MCTP2: variants seen among roughly 807,000 people sequenced by gnomAD.
MCTP2 encodes multiple C2 and transmembrane domain-containing protein 2.
Under a neutral mutation model 111.6 loss-of-function variants are expected in MCTP2, and 132 were observed. That is an observed-to-expected ratio of 1.18 (90% CI 1.03 to 1.37). The LOEUF (loss-of-function observed/expected upper bound fraction) is 1.37. Among genes scored for constraint, MCTP2 ranks in the 40% most tolerant of loss-of-function variants. The pLI is 0.00. For missense variants in MCTP2, 1,183 were observed against 1,067.9 expected (o/e 1.11, Z -1.50); for synonymous variants, 395 against 387.7 (o/e 1.02, Z -0.22).
chr15:94,390,131 TACTTAG>T (rs2080867511), intron 14 of MCTP2, among the ~76,000 whole-genome samples: 1 of 69,598 alleles, frequency 1.4e-5, no homozygotes, highest in Admixed American at 1.5e-4. Flanking sequence ...TATATATATA[TACTTAG>T]ATGTTTATCA....
chr15:94,328,191 T>G lies in MCTP2; in HGVS notation c.638-11099T>G, dbSNP rs544432933. Among the ~76,000 whole-genome samples the G allele has an allele frequency of 3.8e-4, 58 of 150,902 alleles. No homozygotes were observed. The South Asian group carries it at 0.01, about 27-fold the overall frequency. On this transcript the variant is annotated intron_variant, in intron 4 of 22. Transcript: ENST00000357742. The stretch of plus-strand genomic sequence containing the variant: ...TCACCCAGGCTGGAGTGCAGTGGCG[T>G]GATCTCGGCTCACTGCAGGCTCTGC...
intron 22 of MCTP2, among the ~76,000 whole-genome samples, chr15:94,478,207 C>T (rs1002830344): frequency 6.6e-6 from 1 of 152,216 alleles, no homozygotes. Flanking sequence ...CCTTGAAGAA[C>T]AGAAATTTCC....
chr15:94,406,691 C>T (rs2081912795), intron 17 of MCTP2, among the ~76,000 whole-genome samples: 1 of 152,106 alleles, frequency 6.6e-6, no homozygotes, highest in Non-Finnish European at 1.5e-5. Flanking sequence ...TTTGAAAAAC[C>T]CTAGAGCCTT....
intron 14 of MCTP2, among the ~76,000 whole-genome samples, chr15:94,394,060 AAAAAAAAAAAAAT>A (rs2081145427): frequency 6.6e-6 from 1 of 151,552 alleles, no homozygotes; most frequent in Admixed American, 6.6e-5. Context: ...AAAAAAAAAA[AAAAAAAAAAAAAT>A]GTAAAAAACG....
At chr15:94,291,499 G>A (rs2075028420) in intron 1 of MCTP2, among the ~76,000 whole-genome samples, 1 of 152,168 alleles carries the variant, frequency 6.6e-6, no homozygotes, top group African/African-American at 2.4e-5. Flanking sequence ...TATCTGGGAG[G>A]CTGTGGCAGG....
intron 2 of MCTP2, among the ~76,000 whole-genome samples, chr15:94,308,539 T>C (rs2075987394): frequency 6.6e-6 from 1 of 152,210 alleles, no homozygotes; most frequent in East Asian, 1.9e-4. Flanking sequence ...TGTGGACTTG[T>C]TTTAAGAAGT....
chr15:94,303,820 A>C (rs995368614), intron 2 of MCTP2, among the ~76,000 whole-genome samples: 1 of 151,882 alleles, frequency 6.6e-6, no homozygotes, highest in African/African-American at 2.4e-5. Flanking sequence ...GCTTTTTCCA[A>C]CTCTGTGGTG....
intron 17 of MCTP2, among the ~76,000 whole-genome samples, chr15:94,404,307 T>G (rs926895529): frequency 3.7e-5 from 5 of 136,312 alleles, no homozygotes; most frequent in Admixed American, 6.9e-5. Context: ...TTTTATTGTT[T>G]TTTTTTTTTT....
At chr15:94,410,283 G>T (rs1023890986) in intron 17 of MCTP2, among the ~76,000 whole-genome samples, 1 of 152,044 alleles carries the variant, frequency 6.6e-6, no homozygotes, top group East Asian at 1.9e-4. Flanking sequence ...TCAATGACAG[G>T]GTGGAAATGC....
At chr15:94,431,327 T>C (rs1022019776) in intron 17 of MCTP2, among the ~76,000 whole-genome samples, 1 of 152,254 alleles carries the variant, frequency 6.6e-6, no homozygotes, top group Non-Finnish European at 1.5e-5. Flanking sequence ...AACATCGTTT[T>C]ATATCTTAAG....
intron 8 of MCTP2, among the ~76,000 whole-genome samples, chr15:94,352,516 T>C (rs2078360990): frequency 6.6e-6 from 1 of 152,130 alleles, no homozygotes; most frequent in African/African-American, 2.4e-5. Flanking sequence ...AACAAAACCC[T>C]GATGTACTGT....
At chr15:94,383,973 C>T in intron 12 of MCTP2, 49 bp from the exon 13 acceptor site, 1 of 1,325,914 alleles carries the variant, frequency 7.5e-7, no homozygotes, top group Non-Finnish European at 1.1e-6. Flanking sequence ...TGCCCTTGTC[C>T]CTTTCGAGAT....
chr15:94,358,128 A>G (rs1348592419), intron 9 of MCTP2, among the ~76,000 whole-genome samples: 1 of 152,378 alleles, frequency 6.6e-6, no homozygotes, highest in South Asian at 2.1e-4. Context: ...CTTGCATTCA[A>G]TTAAGCAATT....
intron 1 of MCTP2, among the ~76,000 whole-genome samples, chr15:94,251,247 A>G (rs1323331864): frequency 6.6e-6 from 1 of 152,212 alleles, no homozygotes; most frequent in Non-Finnish European, 1.5e-5. Context: ...ATCTCCTTAA[A>G]ATGTGTCAGT....
chr15:94,458,270 G>A, intron 20 of MCTP2, 24 bp downstream of exon 20: 2 of 1,394,976 alleles, frequency 1.4e-6, no homozygotes, highest in Non-Finnish European at 2.0e-6. Flanking sequence ...TTGTGTTGTG[G>A]TGTTTGCAGT....
intron 20 of MCTP2, among the ~76,000 whole-genome samples, chr15:94,459,692 TGAG>T (rs1236104782): frequency 2.0e-5 from 3 of 152,196 alleles, no homozygotes; most frequent in Non-Finnish European, 2.9e-5. Flanking sequence ...AATAGTAAAA[TGAG>T]GAGGGCATCA....
intron 18 of MCTP2, among the ~76,000 whole-genome samples, chr15:94,441,000 CTTTTT>C (rs112016997): frequency 2.0e-5 from 3 of 151,234 alleles, no homozygotes; most frequent in Non-Finnish European, 4.4e-5. Context: ...TATTTGTAGG[CTTTTT>C]TTTTATGATG....
intron 1 of MCTP2, among the ~76,000 whole-genome samples, chr15:94,269,935 C>T (rs1567306255): frequency 6.6e-6 from 1 of 152,134 alleles, no homozygotes; most frequent in Non-Finnish European, 1.5e-5. Flanking sequence ...AAGCGTTTCA[C>T]TTATCCATCT....
intron 4 of MCTP2, among the ~76,000 whole-genome samples, chr15:94,331,852 A>T (rs1396030542): frequency 6.6e-6 from 1 of 152,238 alleles, no homozygotes; most frequent in African/African-American, 2.4e-5. Context: ...GAATAGTTCA[A>T]TCAGAGTGTG....
Sources: allele counts gnomAD v4.1 joint callset (sites outside exome capture counted in the v4.1 genomes callset), GRCh38; gene constraint gnomAD v4.1.1; transcripts MANE v1.5; gene names NCBI Gene and HGNC (gene_info 2026-07-23, HGNC 2026-07-21).